The following CDH10 variants were observed in gnomAD, a reference collection of about 807,000 sequenced individuals.
The protein encoded by CDH10 is cadherin 10, also known as cadherin-10.
In CDH10, 30 loss-of-function variants were observed where a neutral mutation model predicts 73.1. The observed-to-expected ratio is 0.41, with a 90% CI of 0.31 to 0.56. CDH10 has a LOEUF of 0.56. Ranked by LOEUF, CDH10 falls within the 20% of genes least tolerant of loss-of-function variation. The probability of loss-of-function intolerance (pLI) is 0.27; values close to 1 mark genes in which losing one functional copy is unlikely to be tolerated. For synonymous variants in CDH10, 345 were observed against 348.2 expected (o/e 0.99, Z 0.10); for missense variants, 815 against 973.7 (o/e 0.84, Z 2.17).
chr5:24,535,610 G>T, intron 4 of CDH10, 93 bp downstream of exon 4: 1 of 1,129,852 alleles, frequency 8.9e-7, no homozygotes, highest in Non-Finnish European at 1.3e-6. Context: ...GAGTATTAAT[G>T]TTAAGGTTTT....
chr5:24,497,821 A>G (rs932102094), intron 9 of CDH10, among the ~76,000 whole-genome samples: 2 of 152,218 alleles, frequency 1.3e-5, no homozygotes. Flanking sequence ...AAAGACTTAC[A>G]GAATTATAAA....
intron 2 of CDH10, among the ~76,000 whole-genome samples, chr5:24,575,355 CAAAAA>C (rs751333761): frequency 8.1e-6 from 1 of 123,850 alleles, no homozygotes; most frequent in Non-Finnish European, 1.6e-5. Context: ...ACAAAAACAA[CAAAAA>C]AAAAAAAAAA....
At position 24,509,777 on chromosome 5, in the gene CDH10, C is replaced by T. The variant is rs138533676; in HGVS notation, c.1045G>A (p.Glu349Lys). 1.4e-5 allele frequency: 22 copies of T among 1,612,058 alleles called. No individual in the cohort carries two copies. Among genetic ancestry groups the T allele is most frequent in the Middle Eastern group, 1.6e-4 (1 of 6,080 alleles). Residue 349 changes from glutamate to lysine, a missense_variant, in exon 7 of 12, where the codon GAA (glutamate) becomes AAA (lysine). By Grantham distance (56) the Glu-to-Lys change is moderately conservative (BLOSUM62 1). Transcript: ENST00000264463. The stretch of plus-strand genomic sequence containing the variant: ...GGATCTACATGGGTGTTTTCTGCTT[C>T]GACTTTCAGAGTATAAAGTCTTCGG... ...ESRRLYTLKVEAENTHVDPRF... is the reference protein window; with the variant it reads ...ESRRLYTLKVKAENTHVDPRF...
At chr5:24,600,539 C>T (rs781260986) in intron 1 of CDH10, among the ~76,000 whole-genome samples, 2 of 152,046 alleles carry the variant, frequency 1.3e-5, no homozygotes, top group Admixed American at 1.3e-4. Flanking sequence ...TCTGAGAAAT[C>T]TTTTTGGAGG....
chr5:24,614,028 C>G (rs1747047353), intron 1 of CDH10, among the ~76,000 whole-genome samples: 1 of 152,020 alleles, frequency 6.6e-6, no homozygotes, highest in Admixed American at 6.6e-5. Context: ...AATGTGCATT[C>G]CGGAACAGTA....
chr5:24,575,375 G>GAA lies in CDH10; in HGVS notation c.231+17883_231+17884dup, dbSNP rs113497891. Among the ~76,000 whole-genome samples the GAA allele has an allele frequency of 1.3e-4, 18 of 139,708 alleles. No individual in the cohort carries two copies. The East Asian group carries it at 3.8e-3, about 29-fold the overall frequency. The allele number at this position is 139,708 out of a possible 152,430, so 91.7% of individuals were successfully genotyped here. A position where few individuals can be genotyped will look rare whatever the true frequency, so the allele number is the denominator to read the frequency against. ...AACAACAAAAAAAAAAAAAAAAAAG[G>GAA]AAAAAAAAGAAAAGTCTCCTGCATC... On this transcript the variant is annotated intron_variant, in intron 2 of 11. Transcript: ENST00000264463.
chr5:24,555,772 CA>C (rs1251696329), intron 2 of CDH10, among the ~76,000 whole-genome samples: 7 of 151,846 alleles, frequency 4.6e-5, no homozygotes, highest in Non-Finnish European at 8.8e-5. Flanking sequence ...AATTAGCTTT[CA>C]ATCTCTAGAA....
intron 1 of CDH10, among the ~76,000 whole-genome samples, chr5:24,643,235 C>T (rs1748114561): frequency 1.3e-5 from 2 of 152,106 alleles, no homozygotes; most frequent in South Asian, 4.1e-4. Context: ...GTTTCTAGGA[C>T]ATAACCTCTT....
Position 24,569,269 on chromosome 5 carries a change from G to A in CDH10, c.231+23991C>T, listed in dbSNP as rs367651078. Among the ~76,000 whole-genome samples the A allele has an allele frequency of 2.3e-4, 35 of 152,180 alleles. 2 individuals are homozygous for A. The highest frequency in any genetic ancestry group is 4.6e-4 in the African/African-American group (19 of 41,498). Reference sequence around the variant, plus strand: ...GTGAGGGAGATAAAGGGGAGTTATCGTTTAATTTGTATCATTTGAAATGAT... The same window carrying A: ...GTGAGGGAGATAAAGGGGAGTTATCATTTAATTTGTATCATTTGAAATGAT... On this transcript the variant is annotated intron_variant, in intron 2 of 11. Coordinates refer to ENST00000264463, the MANE Select transcript of CDH10 (RefSeq NM_006727.5).
At chr5:24,628,977 T>C (rs1747608483) in intron 1 of CDH10, among the ~76,000 whole-genome samples, 1 of 152,088 alleles carries the variant, frequency 6.6e-6, no homozygotes, top group South Asian at 2.1e-4. Flanking sequence ...AGTGCTTAAT[T>C]ATATGCCACC....
chr5:24,578,925 T>G (rs1418576505), intron 2 of CDH10, among the ~76,000 whole-genome samples: 1 of 152,084 alleles, frequency 6.6e-6, no homozygotes, highest in Non-Finnish European at 1.5e-5. Flanking sequence ...AATGAAAAAT[T>G]TTATAAAACT....
chr5:24,586,772 G>A (rs1415127611), intron 2 of CDH10, among the ~76,000 whole-genome samples: 1 of 150,338 alleles, frequency 6.7e-6, no homozygotes, highest in African/African-American at 2.5e-5. Flanking sequence ...AAAATTACCA[G>A]GAGTCATGGA....
rs1355834784 is a variant in CDH10, at chr5:24,509,590, G to T, written c.1232C>A (p.Pro411Gln). Reference protein sequence around the residue: ...TIIGTVMARDPDSISSPIRFS... With the variant: ...TIIGTVMARDQDSISSPIRFS... ...CCTAATGGGGCTGGAAATAGAATCT[G>T]GGTCCCTTGCCATTACAGTACCAAT... The change falls in exon 7 of 12, where the codon CCA becomes CAA. Residue 411 changes from proline to glutamine, a missense_variant. By Grantham distance (76) the Pro-to-Gln change is moderately conservative. Transcript: ENST00000264463. The T allele has an allele frequency of 6.2e-7, 1 of 1,613,796 alleles. No homozygotes were observed. Among genetic ancestry groups the T allele is most frequent in the Non-Finnish European group, 8.5e-7 (1 of 1,179,882 alleles).
chr5:24,527,859 T>G (rs989359275), intron 5 of CDH10, among the ~76,000 whole-genome samples: 2 of 151,900 alleles, frequency 1.3e-5, no homozygotes, highest in African/African-American at 4.8e-5. Context: ...AATGTGTGTG[T>G]GTGTACGTGT....
intron 5 of CDH10, among the ~76,000 whole-genome samples, chr5:24,523,312 T>C (rs1743406421): frequency 6.6e-6 from 1 of 152,046 alleles, no homozygotes; most frequent in African/African-American, 2.4e-5. Flanking sequence ...GAGCTATAGA[T>C]GAGAATGGAA....
intron 2 of CDH10, among the ~76,000 whole-genome samples, chr5:24,541,837 C>A (rs1744168851): frequency 6.6e-6 from 1 of 151,954 alleles, no homozygotes; most frequent in South Asian, 2.1e-4. Flanking sequence ...AATTCACAAC[C>A]AGATAAAGGA....
chr5:24,511,260 G>A (rs1243392570), intron 6 of CDH10, 67 bp downstream of exon 6: 26 of 919,426 alleles, frequency 2.8e-5, no homozygotes, highest in African/African-American at 1.8e-4. Context: ...ATTCATGAGC[G>A]AAGAGTATAT....
rs1561130895 is a variant in CDH10 at position 24,509,641 on chromosome 5, T to C, written c.1181A>G (p.His394Arg). Residue 394 changes from histidine to arginine, a missense_variant, in exon 7 of 12, where the codon CAT (histidine) becomes CGT (arginine). This residue lies in a region of CDH10 where 516 missense variants were observed against 636.6 expected (regional missense o/e 0.81). Coordinates refer to ENST00000264463, the MANE Select transcript of CDH10 (RefSeq NM_006727.5). ...GATTGTGCCCACTTCAATATCTTCA[T>C]GAACTTCAAACAGATAGGAGGACCT... Reference protein sequence around the residue: ...FSRSSYLFEVHEDIEVGTIIG... With the variant: ...FSRSSYLFEVREDIEVGTIIG... 1.9e-6 allele frequency: 3 copies of C among 1,613,680 alleles called. No homozygotes were observed. Among genetic ancestry groups the C allele is most frequent in the East Asian group, 2.2e-5 (1 of 44,854 alleles).
At chr5:24,619,817 G>C (rs907582057) in intron 1 of CDH10, among the ~76,000 whole-genome samples, 1 of 152,124 alleles carries the variant, frequency 6.6e-6, no homozygotes, top group South Asian at 2.1e-4. Flanking sequence ...CCACTACTAC[G>C]TGTGGTCACA....
Sources: allele counts gnomAD v4.1 joint callset (sites outside exome capture counted in the v4.1 genomes callset), GRCh38; gene constraint gnomAD v4.1.1; regional missense constraint gnomAD v4.1.1; transcripts MANE v1.5; gene names NCBI Gene and HGNC (gene_info 2026-07-23, HGNC 2026-07-21).